The following PKHD1 variants were observed in gnomAD, a reference collection of about 807,000 sequenced individuals.
PKHD1 encodes PKHD1 ciliary IPT domain containing fibrocystin/polyductin, also known as fibrocystin.
PKHD1 carries 291 observed loss-of-function variants against 412.0 expected under a neutral mutation model. That is an observed-to-expected ratio of 0.71 (90% CI 0.64 to 0.78). The LOEUF is 0.78. Ranked by LOEUF, PKHD1 falls within the 30% of genes least tolerant of loss-of-function variation. The pLI, the probability that PKHD1 is intolerant of heterozygous loss-of-function variation, is 0.00. For synonymous variants in PKHD1, 1,777 were observed against 1,821.5 expected (o/e 0.98, Z 0.62); for missense variants, 4,825 against 4,950.7 (o/e 0.97, Z 0.76).
chr6:52,049,387 A>G (rs1239923430), intron 22 of PKHD1, among the ~76,000 whole-genome samples: 1 of 152,232 alleles, frequency 6.6e-6, no homozygotes. Flanking sequence ...TATTTGGTCC[A>G]TCACCGACAG....
At chr6:51,743,928 G>A (rs939381749) in intron 60 of PKHD1, among the ~76,000 whole-genome samples, 1 of 152,162 alleles carries the variant, frequency 6.6e-6, no homozygotes, top group African/African-American at 2.4e-5. Context: ...GGGAGAGTTG[G>A]AGAATGGAGA....
chr6:51,941,400 C>A (rs563109328), intron 36 of PKHD1, among the ~76,000 whole-genome samples: 60 of 149,502 alleles, frequency 4.0e-4, no homozygotes, highest in African/African-American at 1.4e-3. Context: ...GGACTACAGG[C>A]GCCCGCCACC....
chr6:51,765,190 A>C (rs1026838236), intron 55 of PKHD1, among the ~76,000 whole-genome samples: 2 of 152,070 alleles, frequency 1.3e-5, no homozygotes, highest in Non-Finnish European at 2.9e-5. Context: ...ACATGCAGTC[A>C]TCAGGAGGAC....
intron 43 of PKHD1, among the ~76,000 whole-genome samples, chr6:51,899,479 A>C (rs1456216589): frequency 6.6e-6 from 1 of 152,092 alleles, no homozygotes; most frequent in Non-Finnish European, 1.5e-5. Flanking sequence ...CTTCATGCTA[A>C]AAACTCTCAA....
chr6:51,902,707 A>G (rs561557892), intron 43 of PKHD1, among the ~76,000 whole-genome samples: 1 of 152,298 alleles, frequency 6.6e-6, no homozygotes, highest in South Asian at 2.1e-4. Context: ...ATGGGATAAA[A>G]TAATTAGAAA....
chr6:51,765,955 T>C (rs1788920976), intron 55 of PKHD1, among the ~76,000 whole-genome samples: 1 of 152,136 alleles, frequency 6.6e-6, no homozygotes, highest in South Asian at 2.1e-4. Context: ...CCTCTGAAAT[T>C]ATGCTTCAGG....
chr6:51,975,486 G>A (rs1794252553), intron 35 of PKHD1, among the ~76,000 whole-genome samples: 1 of 151,926 alleles, frequency 6.6e-6, no homozygotes, highest in Admixed American at 6.6e-5. Flanking sequence ...GTGGGCAAAG[G>A]ACTTGAATGG....
intron 56 of PKHD1, 105 bp from the exon 57 acceptor site, chr6:51,753,458 C>T: frequency 1.1e-6 from 1 of 904,056 alleles, no homozygotes; most frequent in Non-Finnish European, 1.8e-6. Flanking sequence ...CCTTTCCCCT[C>T]AGAAGTTCTA....
In PKHD1 at chr6:51,923,768, T is replaced by C. The variant is rs114323309; in HGVS notation, c.6121+10342A>G. 3.7e-3 allele frequency among the ~76,000 whole-genome samples: 563 copies of C among 152,286 alleles called. 4 individuals are homozygous for C. Among genetic ancestry groups the C allele is most frequent in the African/African-American group, 0.012 (509 of 41,558 alleles). On this transcript the variant is annotated intron_variant, in intron 37 of 66. Transcript: ENST00000371117. ...AGAGCTATAAGCCAGAAAGCCCCAA[T>C]TGGGATCTCAAAATAAGCTGAAAAA...
At chr6:51,987,563 A>C (rs765270099) in intron 35 of PKHD1, among the ~76,000 whole-genome samples, 1 of 152,208 alleles carries the variant, frequency 6.6e-6, no homozygotes, top group African/African-American at 2.4e-5. Flanking sequence ...CCATGCCCTT[A>C]AGCAATATTA....
intron 36 of PKHD1, among the ~76,000 whole-genome samples, chr6:51,957,580 G>A (rs1179123827): frequency 6.6e-6 from 1 of 152,072 alleles, no homozygotes; most frequent in Non-Finnish European, 1.5e-5. Context: ...TGCTACATGG[G>A]ACACATGTTG....
intron 32 of PKHD1, 140 bp downstream of exon 32, chr6:52,024,434 G>A: frequency 1.2e-6 from 1 of 800,060 alleles, no homozygotes; most frequent in Non-Finnish European, 2.2e-6. Context: ...CCTCAGGAAG[G>A]AATTGGGATT....
chr6:51,800,646 A>G (rs555920854), intron 52 of PKHD1, among the ~76,000 whole-genome samples: 1 of 152,360 alleles, frequency 6.6e-6, no homozygotes, highest in East Asian at 1.9e-4. Flanking sequence ...ACTTGTCTAA[A>G]TCCTGTAGAA....
chr6:51,841,588 C>A (rs906160285), intron 50 of PKHD1, among the ~76,000 whole-genome samples: 2 of 152,138 alleles, frequency 1.3e-5, no homozygotes, highest in Non-Finnish European at 2.9e-5. Context: ...CCTTGGGGAT[C>A]TTTGGGAATG....
At chr6:52,044,428 A>T (rs1383292321) in intron 25 of PKHD1, among the ~76,000 whole-genome samples, 1 of 152,190 alleles carries the variant, frequency 6.6e-6, no homozygotes, top group South Asian at 2.1e-4. Flanking sequence ...GAACACTTCA[A>T]TTTTATCTGT....
chr6:51,619,243 G>C lies in PKHD1; in HGVS notation c.12063C>G (p.Cys4021Trp). 6.2e-7 allele frequency: 1 copy of C among 1,614,260 alleles called. No homozygotes were observed. Among genetic ancestry groups the C allele is most frequent in the Non-Finnish European group, 8.5e-7 (1 of 1,180,044 alleles). Residue 4021 changes from cysteine (C) to tryptophan (W), a missense_variant, in exon 67 of 67, where the codon TGC becomes TGG. Physicochemically the swap from Cys to Trp is radical, Grantham distance 215. Transcript: ENST00000371117. ...LAGQNQLLLL[C>W]PDFRQERQQL... ...GCTGCCTCTCTTGTCTGAAGTCTGG[G>C]CATAGCAGCAGCAGCTGATTTTGGC...
intron 21 of PKHD1, 82 bp downstream of exon 21, chr6:52,052,994 T>TAA: frequency 1.5e-6 from 2 of 1,313,818 alleles, no homozygotes; most frequent in Non-Finnish European, 2.2e-6. Context: ...CTCTCCTCAT[T>TAA]AAAAAAAACA....
chr6:52,017,335 C>T lies in PKHD1; in HGVS notation c.5600+75G>A, dbSNP rs1349366876. On this transcript the variant is annotated intron_variant, in intron 34 of 66. Transcript: ENST00000371117. The stretch of plus-strand genomic sequence containing the variant: ...TGCCAGGCCACATCCACCCAGCCTA[C>T]ACTCTCTGATGGCTCCATCGGTCCA... 3 of 1,080,820 alleles carry T rather than the reference C, an allele frequency of 2.8e-6. No homozygotes were observed. In the African/African-American group the frequency reaches 4.6e-5, roughly 17 times the overall value. 67.0% of individuals were successfully genotyped at this position (1,080,820 alleles called of 1,614,324 possible).
chr6:51,976,589 T>A (rs1311269860), intron 35 of PKHD1, among the ~76,000 whole-genome samples: 1 of 152,220 alleles, frequency 6.6e-6, no homozygotes, highest in African/African-American at 2.4e-5. Context: ...AATCTAGATG[T>A]ACTAAATGTA....
Sources: allele counts gnomAD v4.1 joint callset (sites outside exome capture counted in the v4.1 genomes callset), GRCh38; gene constraint gnomAD v4.1.1; transcripts MANE v1.5; gene names NCBI Gene and HGNC (gene_info 2026-07-23, HGNC 2026-07-21).